Variants in L2HGDH observed in about 807,000 individuals in gnomAD.
The protein encoded by L2HGDH is L-2-hydroxyglutarate dehydrogenase.
L2HGDH carries 34 observed loss-of-function variants against 51.5 expected under a neutral mutation model. The observed-to-expected ratio is 0.66, with a 90% CI of 0.50 to 0.88. L2HGDH has a LOEUF of 0.88. L2HGDH is among the 40% of genes least tolerant of loss of function. The pLI, the probability that L2HGDH is intolerant of heterozygous loss-of-function variation, is 0.00. For synonymous variants in L2HGDH, 198 were observed against 197.9 expected, an observed-to-expected ratio of 1.00 and a Z score of -0.01; for missense variants, 558 against 571.9, an observed-to-expected ratio of 0.98 and a Z score of 0.25.
intron 9 of L2HGDH, among the ~76,000 whole-genome samples, chr14:50,255,039 C>T (rs1020446537): frequency 6.6e-6 from 1 of 151,610 alleles, no homozygotes; most frequent in African/African-American, 2.4e-5. Flanking sequence ...CAGAGTGAGA[C>T]CCTGTCTCAA....
Position 50,247,148 on chromosome 14 carries a change from A to G in L2HGDH, c.1302T>C (p.His434=), listed in dbSNP as rs764987653. The change falls in exon 10 of 10, where the codon CAT becomes CAC. Residue 434 remains histidine, a synonymous_variant. Coordinates refer to ENST00000267436, the MANE Select transcript of L2HGDH (RefSeq NM_024884.3). Reference sequence around the variant, plus strand: ...CAGCAGGAGAAGGTGCATTTCTCACATGAAGAATGCGATTTCCAATATCCC... The same window carrying G: ...CAGCAGGAGAAGGTGCATTTCTCACGTGAAGAATGCGATTTCCAATATCCC... The part of the protein sequence containing the change: ...GVGDIGNRIL[H]VRNAPSPAAT... 1.9e-6 allele frequency: 3 copies of G among 1,614,028 alleles called. No individual in the cohort carries two copies. The highest frequency in any genetic ancestry group is 3.3e-5 in the Admixed American group (2 of 59,996).
intron 4 of L2HGDH, 74 bp from the exon 5 acceptor site, chr14:50,284,107 G>T: frequency 6.8e-7 from 1 of 1,464,064 alleles, no homozygotes; most frequent in Non-Finnish European, 9.4e-7. Context: ...CTATAATCAA[G>T]AAACAATTTT....
intron 4 of L2HGDH, among the ~76,000 whole-genome samples, chr14:50,291,964 A>C (rs1313696341): frequency 6.6e-6 from 1 of 152,238 alleles, no homozygotes; most frequent in African/African-American, 2.4e-5. Context: ...ATTTAACTAG[A>C]AAGTTGGATA....
chr14:50,257,485 T>C (rs1266734205), intron 9 of L2HGDH, among the ~76,000 whole-genome samples: 1 of 151,798 alleles, frequency 6.6e-6, no homozygotes, highest in Admixed American at 6.6e-5. Flanking sequence ...TCCTCCCTCC[T>C]CGGCCTCCAG....
At position 50,264,289 on chromosome 14, in the gene L2HGDH, A is replaced by T. The variant is rs570877568; in HGVS notation, c.1196+1069T>A. The stretch of plus-strand genomic sequence containing the variant: ...GCTACTCAGGAGGCTGAGGCAGGGG[A>T]ATTGCTTGAACCCAGGAGGCAGAGG... On this transcript the variant is annotated intron_variant, in intron 9 of 9. Transcript: ENST00000267436. Among the ~76,000 whole-genome samples, 186 of 152,072 alleles carry T rather than the reference A, an allele frequency of 1.2e-3. 1 individual carries two copies. The highest frequency in any genetic ancestry group is 3.4e-3 in the Middle Eastern group (1 of 294).
At chr14:50,257,265 T>TG (rs1199329735) in intron 9 of L2HGDH, among the ~76,000 whole-genome samples, 3 of 152,164 alleles carry the variant, frequency 2.0e-5, no homozygotes, top group African/African-American at 7.2e-5. Context: ...ATCTTTATCT[T>TG]GCAGTATTGC....
chr14:50,311,227 T>C, intron 1 of L2HGDH: 1 of 413,304 alleles, frequency 2.4e-6, no homozygotes, highest in Non-Finnish European at 4.8e-6. Context: ...CTTAAAACCC[T>C]TTTAAATAGC....
At chr14:50,275,577 C>T (rs1669909961) in intron 6 of L2HGDH, among the ~76,000 whole-genome samples, 1 of 152,202 alleles carries the variant, frequency 6.6e-6, no homozygotes, top group Non-Finnish European at 1.5e-5. Context: ...GCTATAGGCT[C>T]AGGCTCATGG....
chr14:50,291,285 C>T (rs891018345), intron 4 of L2HGDH, among the ~76,000 whole-genome samples: 9 of 151,156 alleles, frequency 6.0e-5, no homozygotes, highest in African/African-American at 2.2e-4. Flanking sequence ...ATGAATTTGG[C>T]CCACAGGACA....
chr14:50,251,618 G>A (rs1293627463), intron 9 of L2HGDH, among the ~76,000 whole-genome samples: 3 of 151,906 alleles, frequency 2.0e-5, no homozygotes, highest in Non-Finnish European at 4.4e-5. Context: ...AATTCTAAAA[G>A]CAGCAAGAAA....
intron 7 of L2HGDH, among the ~76,000 whole-genome samples, 189 bp from the exon 8 acceptor site, chr14:50,268,099 C>G (rs1011234193): frequency 6.6e-6 from 1 of 152,176 alleles, no homozygotes; most frequent in Admixed American, 6.5e-5. Context: ...CTGATGCTGG[C>G]TGGGTGTGGT....
intron 1 of L2HGDH, among the ~76,000 whole-genome samples, chr14:50,310,412 A>G (rs866312203): frequency 3.3e-5 from 5 of 152,214 alleles, no homozygotes; most frequent in Middle Eastern, 3.4e-3. Flanking sequence ...AATTACTTCA[A>G]AATAAAAGTA....
chr14:50,293,182 C>G (rs1345859641), intron 4 of L2HGDH: 2 of 700,836 alleles, frequency 2.9e-6, no homozygotes, highest in Admixed American at 2.0e-5. Flanking sequence ...AGAATGGAGT[C>G]CAGACATAGA....
At chr14:50,293,891 C>G (rs1240941563) in intron 4 of L2HGDH, among the ~76,000 whole-genome samples, 1 of 152,196 alleles carries the variant, frequency 6.6e-6, no homozygotes, top group Non-Finnish European at 1.5e-5. Context: ...GGTCTCAGGC[C>G]TCCTCTTGTC....
Position 50,273,271 on chromosome 14 carries a change from G to C in L2HGDH, c.739-3941C>G, listed in dbSNP as rs566048770. 5.3e-5 allele frequency among the ~76,000 whole-genome samples: 8 copies of C among 152,224 alleles called. No individual in the cohort carries two copies. In the East Asian group the frequency reaches 1.5e-3, roughly 29 times the overall value. ...ATTTTAATAATCATTAGAAAAAGAT[G>C]ACCTGCCCTGTGGATGTTAGTTAGC... On this transcript the variant is annotated intron_variant, in intron 6 of 9. Coordinates refer to ENST00000267436, the MANE Select transcript of L2HGDH (RefSeq NM_024884.3).
At chr14:50,287,691 CTTTTTTTTTTTT>C (rs911689718) in intron 4 of L2HGDH, among the ~76,000 whole-genome samples, 3 of 85,276 alleles carry the variant, frequency 3.5e-5, no homozygotes, top group Non-Finnish European at 6.5e-5. Flanking sequence ...TATTTTTTTC[CTTTTTTTTTTTT>C]TTTTTTTTTT....
At chr14:50,309,643 A>G (rs2030942473) in intron 1 of L2HGDH, among the ~76,000 whole-genome samples, 1 of 151,970 alleles carries the variant, frequency 6.6e-6, no homozygotes, top group Non-Finnish European at 1.5e-5. Flanking sequence ...AGAGATAGGT[A>G]ACACAACAGA....
intron 5 of L2HGDH, among the ~76,000 whole-genome samples, chr14:50,281,561 C>A (rs973565223): frequency 6.6e-6 from 1 of 152,056 alleles, no homozygotes; most frequent in African/African-American, 2.4e-5. Flanking sequence ...CACTGCACCC[C>A]AGCCGGGGCA....
In L2HGDH at chr14:50,244,974, CA is replaced by C. The variant is rs995488939; in HGVS notation, c.*2083del. The C allele has an allele frequency of 3.0e-6, 3 of 985,316 alleles. No individual in the cohort carries two copies. In the African/African-American group the frequency reaches 5.2e-5, roughly 17 times the overall value. 61.0% of individuals were successfully genotyped at this position (985,316 alleles called of 1,614,324 possible). A position where few individuals can be genotyped will look rare whatever the true frequency, so the allele number is the denominator to read the frequency against. ...AGTCAGGTCGCCACATTTTCATTTA[CA>C]ATTTCTATTTTCTAACTTTCTAAAT... is the stretch of plus-strand genomic sequence containing the variant. On this transcript the variant is annotated 3_prime_UTR_variant, in exon 10 of 10. Transcript: ENST00000267436.
Sources: gnomAD v4.1 joint callset for allele counts (sites outside exome capture counted in the v4.1 genomes callset) on GRCh38, gnomAD v4.1.1 for gene constraint, MANE v1.5 for transcripts, NCBI Gene and HGNC (gene_info 2026-07-23, HGNC 2026-07-21) for gene names.